Variants in AMPD3 observed in about 807,000 individuals in gnomAD.
The protein encoded by AMPD3 is adenosine monophosphate deaminase 3, also known as AMP deaminase 3.
A neutral mutation model predicts 82.3 loss-of-function variants in AMPD3; 57 were observed. The ratio of observed to expected loss-of-function variants is 0.69; its 90% CI spans 0.56 to 0.86. The LOEUF is 0.86. Ranked by LOEUF, AMPD3 falls within the 40% of genes least tolerant of loss-of-function variation. AMPD3 has a pLI of 0.00. For synonymous variants in AMPD3, 381 were observed against 394.7 expected, an observed-to-expected ratio of 0.97 and a Z score of 0.41; for missense variants, 870 against 1,003.8, an observed-to-expected ratio of 0.87 and a Z score of 1.80.
At chr11:10,503,442 A>T in intron 13 of AMPD3, among the ~76,000 whole-genome samples, 1 of 152,204 alleles carries the variant, frequency 6.6e-6, no homozygotes, top group East Asian at 1.9e-4. Context: ...TGTCGACAAG[A>T]CCAGCCATTG....
At chr11:10,478,050 T>C (rs1214659062) in intron 2 of AMPD3, 4 of 985,348 alleles carry the variant, frequency 4.1e-6, no homozygotes, top group Non-Finnish European at 4.8e-6. Flanking sequence ...TGAAATGCAG[T>C]GTGATTGTCT....
chr11:10,466,362 C>CGTTGGCCATTGCTGAGGCTTGA (rs1300463944), intron 2 of AMPD3, among the ~76,000 whole-genome samples: 2 of 152,070 alleles, frequency 1.3e-5, no homozygotes, highest in Non-Finnish European at 1.5e-5. Context: ...GGGGGAGGGT[C>CGTTGGCCATTGCTGAGGCTTGA]GTTGGCCATT....
At chr11:10,501,954 A>G (rs72859126) in intron 12 of AMPD3, 74,731 of 985,244 alleles carry the variant, frequency 0.076, 2,958 homozygotes, top group East Asian at 0.13. Context: ...TATGACAAGC[A>G]TTTTTTGATG....
chr11:10,503,842 A>G, intron 13 of AMPD3: 1 of 376,716 alleles, frequency 2.7e-6, no homozygotes, highest in Non-Finnish European at 3.7e-6. Flanking sequence ...ATGAAAATAC[A>G]TAATTGGAAA....
upstream of AMPD3, chr11:10,451,131 T>G (rs1847951871): frequency 6.6e-7 from 1 of 1,520,098 alleles, no homozygotes; most frequent in East Asian, 2.5e-5. Flanking sequence ...CCCTGGGGTC[T>G]GAACCGCGGC....
chr11:10,467,591 C>T (rs1279065011), intron 2 of AMPD3, among the ~76,000 whole-genome samples: 1 of 152,228 alleles, frequency 6.6e-6, no homozygotes, highest in Non-Finnish European at 1.5e-5. Context: ...GGAAAACACT[C>T]TTCAGGATAT....
At chr11:10,461,227 C>T in intron 1 of AMPD3, 2 of 1,298,860 alleles carry the variant, frequency 1.5e-6, no homozygotes, top group Non-Finnish European at 2.0e-6. Flanking sequence ...CCAGGTGCTG[C>T]AGATTCCCTG....
chr11:10,471,737 C>A (rs1222867297), intron 2 of AMPD3, among the ~76,000 whole-genome samples: 2 of 152,138 alleles, frequency 1.3e-5, no homozygotes, highest in Non-Finnish European at 2.9e-5. Flanking sequence ...CAAATGAAAA[C>A]CACAATGAGA....
chr11:10,482,300 G>T, intron 4 of AMPD3, 75 bp downstream of exon 4: 5 of 1,528,544 alleles, frequency 3.3e-6, no homozygotes, highest in Non-Finnish European at 1.8e-6. Flanking sequence ...TTTCTGGCTC[G>T]GTCTATTTCC....
intron 14 of AMPD3, chr11:10,505,421 C>G: frequency 1.0e-6 from 1 of 985,224 alleles, no homozygotes; most frequent in South Asian, 4.7e-5. Flanking sequence ...TTTGCCTTTC[C>G]CATCCCCAGC....
At chr11:10,470,496 A>C (rs1848557660) in intron 2 of AMPD3, among the ~76,000 whole-genome samples, 1 of 152,216 alleles carries the variant, frequency 6.6e-6, no homozygotes, top group South Asian at 2.1e-4. Context: ...AATAAAGACT[A>C]TTCAAACAGG....
At chr11:10,463,295 A>G (rs1848324842) in intron 2 of AMPD3, among the ~76,000 whole-genome samples, 1 of 152,250 alleles carries the variant, frequency 6.6e-6, no homozygotes, top group South Asian at 2.1e-4. Flanking sequence ...TTCACCACTC[A>G]TAAGACCAGT....
At position 10,494,898 on chromosome 11, in the gene AMPD3, G is replaced by C. The variant is rs1245004739; in HGVS notation, c.1135-1G>C. On this transcript the variant is annotated splice_acceptor_variant, in intron 7 of 14. Coordinates refer to ENST00000396553, the MANE Select transcript of AMPD3 (RefSeq NM_001025389.2). LOFTEE classifies it high-confidence loss of function. ...TTGATTGGTGTGGTCTCCCCCCTCA[G>C]GGCCGGCAGACATTCCACCGCTTTG... 8 of 1,613,940 alleles carry C rather than the reference G, an allele frequency of 5.0e-6. No homozygotes were observed. The highest frequency in any genetic ancestry group is 6.8e-6 in the Non-Finnish European group (8 of 1,179,868).
chr11:10,474,771 C>G (rs1848689845), intron 2 of AMPD3, among the ~76,000 whole-genome samples: 1 of 152,248 alleles, frequency 6.6e-6, no homozygotes, highest in African/African-American at 2.4e-5. Flanking sequence ...CAGCCCCACA[C>G]TCTGCTGGCT....
intron 1 of AMPD3, among the ~76,000 whole-genome samples, chr11:10,458,269 A>AAAG (rs1848157995): frequency 8.6e-6 from 1 of 116,246 alleles, no homozygotes; most frequent in Non-Finnish European, 1.8e-5. Flanking sequence ...AAAAAAAAAA[A>AAAG]AAAAAAAATT....
intron 2 of AMPD3, among the ~76,000 whole-genome samples, chr11:10,475,769 A>G (rs1848720142): frequency 6.6e-6 from 1 of 152,136 alleles, no homozygotes; most frequent in Non-Finnish European, 1.5e-5. Context: ...CTGGTTTTGG[A>G]GATGAAGGGG....
At position 10,505,987 on chromosome 11, in the gene AMPD3, ATGCCTCTG is replaced by A; in HGVS notation, c.*104_*111del. ...ACTAGGACTTTCCTCTGTGAAGAGG[ATGCCTCTG>A]AAGAAATTTTAAACTGGTGATTTTG... On this transcript the variant is annotated 3_prime_UTR_variant, in exon 15 of 15. Transcript: ENST00000396553. 5 of 1,380,578 alleles carry A rather than the reference ATGCCTCTG, an allele frequency of 3.6e-6. No homozygotes were observed. The highest frequency in any genetic ancestry group is 5.1e-6 in the Non-Finnish European group (5 of 981,794). 85.5% of individuals were successfully genotyped at this position (1,380,578 alleles called of 1,614,324 possible).
chr11:10,505,604 G>T, intron 14 of AMPD3, 104 bp from the exon 15 acceptor site: 2 of 1,545,100 alleles, frequency 1.3e-6, no homozygotes, highest in Non-Finnish European at 1.7e-6. Context: ...TCTGCTTCAG[G>T]GGGACTAGTC....
At chr11:10,455,192 C>T (rs1848056768), upstream of AMPD3, 2 of 985,316 alleles carry the variant, frequency 2.0e-6, no homozygotes, top group Non-Finnish European at 2.4e-6. Context: ...CCATTTTGCT[C>T]ATGGTTATTT....
Sources: gnomAD v4.1 joint callset for allele counts (sites outside exome capture counted in the v4.1 genomes callset) on GRCh38, gnomAD v4.1.1 for gene constraint, MANE v1.5 for transcripts, NCBI Gene and HGNC (gene_info 2026-07-23, HGNC 2026-07-21) for gene names.